The following MAP4K3 variants were observed in gnomAD, a reference collection of about 807,000 sequenced individuals.
MAP4K3 encodes mitogen-activated protein kinase kinase kinase kinase 3, also known as MAPK/ERK kinase kinase kinase 3.
Under a neutral mutation model 143.5 loss-of-function variants are expected in MAP4K3, and 94 were observed. That is an observed-to-expected ratio of 0.65 (90% CI 0.55 to 0.78). The LOEUF (loss-of-function observed/expected upper bound fraction) is 0.78, where lower values mean the gene tolerates loss of function less well. MAP4K3 is among the 30% of genes least tolerant of loss of function. The pLI is 0.00. For missense variants in MAP4K3, 1,077 were observed against 1,068.1 expected, an observed-to-expected ratio of 1.01 and a Z score of -0.12; for synonymous variants, 416 against 347.2, an observed-to-expected ratio of 1.20 and a Z score of -2.20.
At chr2:39,430,723 T>A (rs1665258645) in intron 1 of MAP4K3, among the ~76,000 whole-genome samples, 1 of 152,214 alleles carries the variant, frequency 6.6e-6, no homozygotes, top group Non-Finnish European at 1.5e-5. Context: ...CGGAGTATCT[T>A]CATATGCATA....
intron 1 of MAP4K3, among the ~76,000 whole-genome samples, chr2:39,393,773 A>G (rs1666731792): frequency 6.6e-6 from 1 of 152,056 alleles, no homozygotes; most frequent in Non-Finnish European, 1.5e-5. Context: ...CAAAATCCAC[A>G]CTTGCTCAAG....
chr2:39,383,459 A>G (rs1208134159), intron 1 of MAP4K3, among the ~76,000 whole-genome samples: 1 of 152,146 alleles, frequency 6.6e-6, no homozygotes, highest in Non-Finnish European at 1.5e-5. Context: ...GATTATGAGA[A>G]CTACAATTAA....
chr2:39,422,409 T>C (rs931640710), intron 1 of MAP4K3, among the ~76,000 whole-genome samples: 3 of 152,092 alleles, frequency 2.0e-5, no homozygotes, highest in Non-Finnish European at 2.9e-5. Context: ...GGAAAGACCA[T>C]GTATAGACAC....
intron 15 of MAP4K3, among the ~76,000 whole-genome samples, chr2:39,303,608 G>A (rs1486488432): frequency 6.6e-6 from 1 of 151,998 alleles, no homozygotes; most frequent in African/African-American, 2.4e-5. Flanking sequence ...GCACGATCTC[G>A]GCTCCCTGCA....
chr2:39,429,044 G>A (rs756837290), intron 1 of MAP4K3, among the ~76,000 whole-genome samples: 145 of 110,518 alleles, frequency 1.3e-3, no homozygotes, highest in Admixed American at 3.5e-3. Flanking sequence ...CAGCCTGGGC[G>A]ACAGAGCGAG....
At chr2:39,365,430 A>AATTTTTTT (rs201894555) in intron 2 of MAP4K3, among the ~76,000 whole-genome samples, 5 of 87,926 alleles carry the variant, frequency 5.7e-5, no homozygotes, top group African/African-American at 1.8e-4. Context: ...CGCCATAGTA[A>AATTTTTTT]TTTTTTTTTT....
rs191795062 is a variant in MAP4K3 at position 39,279,821 on chromosome 2, C to T, written c.1714+451G>A. On this transcript the variant is annotated intron_variant, in intron 23 of 33. Coordinates refer to ENST00000263881, the MANE Select transcript of MAP4K3 (RefSeq NM_003618.4). ...AAACAAAAACAGCTAGGAATGGTGG[C>T]ATGTGCCTCCAGTCCTAGCTACTCG... 2.6e-5 allele frequency among the ~76,000 whole-genome samples: 4 copies of T among 152,232 alleles called. No individual in the cohort carries two copies. The East Asian group carries it at 7.7e-4, about 29-fold the overall frequency.
At chr2:39,414,534 CT>C (rs2148620828) in intron 1 of MAP4K3, among the ~76,000 whole-genome samples, 1 of 152,260 alleles carries the variant, frequency 6.6e-6, no homozygotes, top group East Asian at 1.9e-4. Context: ...TTGCAGATCT[CT>C]TTCTTCTACT....
intron 1 of MAP4K3, among the ~76,000 whole-genome samples, chr2:39,385,724 G>C (rs1234415338): frequency 6.6e-6 from 1 of 150,958 alleles, no homozygotes; most frequent in South Asian, 2.1e-4. Flanking sequence ...CCGCCTCCCG[G>C]GTTCAAGCGA....
At chr2:39,340,407 A>G (rs1400868294) in intron 4 of MAP4K3, among the ~76,000 whole-genome samples, 3 of 152,230 alleles carry the variant, frequency 2.0e-5, no homozygotes, top group Non-Finnish European at 2.9e-5. Context: ...ATGAATCCCC[A>G]ATATTCATAT....
intron 8 of MAP4K3, among the ~76,000 whole-genome samples, chr2:39,330,693 GA>G (rs1371460163): frequency 1.3e-5 from 2 of 152,102 alleles, no homozygotes. Context: ...AGCACTGACA[GA>G]TAATGTGACA....
At chr2:39,355,932 T>A (rs1261338527) in intron 3 of MAP4K3, among the ~76,000 whole-genome samples, 1 of 152,220 alleles carries the variant, frequency 6.6e-6, no homozygotes, top group African/African-American at 2.4e-5. Flanking sequence ...GACTCTACAC[T>A]GACCTAAGTC....
intron 12 of MAP4K3, among the ~76,000 whole-genome samples, chr2:39,324,624 A>C (rs973932738): frequency 1.2e-4 from 18 of 152,262 alleles, no homozygotes; most frequent in African/African-American, 4.3e-4. Flanking sequence ...GTCTTTCTAA[A>C]CACTTCACCT....
At chr2:39,418,801 A>C (rs1667465729) in intron 1 of MAP4K3, among the ~76,000 whole-genome samples, 1 of 152,234 alleles carries the variant, frequency 6.6e-6, no homozygotes, top group African/African-American at 2.4e-5. Flanking sequence ...TAAAACTATC[A>C]AAGTTATCAA....
chr2:39,354,485 G>C (rs1229360005), intron 3 of MAP4K3, among the ~76,000 whole-genome samples: 1 of 151,472 alleles, frequency 6.6e-6, no homozygotes, highest in African/African-American at 2.4e-5. Flanking sequence ...GTGTGTGGTG[G>C]CGTGTGCCTA....
At chr2:39,307,545 T>C (rs1682753127) in intron 15 of MAP4K3, among the ~76,000 whole-genome samples, 1 of 151,610 alleles carries the variant, frequency 6.6e-6, no homozygotes, top group Non-Finnish European at 1.5e-5. Context: ...GTAATGCATA[T>C]GAATATATGT....
chr2:39,348,204 G>A (rs2148541665), intron 3 of MAP4K3, among the ~76,000 whole-genome samples: 1 of 151,992 alleles, frequency 6.6e-6, no homozygotes, highest in African/African-American at 2.4e-5. Context: ...ATGAATGCAG[G>A]AAATGAGTTC....
chr2:39,435,220 C>A (rs933061388), intron 1 of MAP4K3, among the ~76,000 whole-genome samples: 1 of 47,666 alleles, frequency 2.1e-5, no homozygotes, highest in Non-Finnish European at 1.6e-4. Context: ...GGCCTCCCAA[C>A]TGCTCCATTC....
chr2:39,260,951 C>A lies in MAP4K3; in HGVS notation c.2137-174G>T, dbSNP rs527785851. The A allele has an allele frequency of 4.6e-5, 25 of 538,216 alleles. No homozygotes were observed. In the Admixed American group the frequency reaches 6.5e-4, roughly 14 times the overall value. 33.3% of individuals were successfully genotyped at this position (538,216 alleles called of 1,614,324 possible). A position where few individuals can be genotyped will look rare whatever the true frequency, so the allele number is the denominator to read the frequency against. On this transcript the variant is annotated intron_variant, in intron 28 of 33. Transcript: ENST00000263881. Reference sequence around the variant, plus strand: ...TTTTATAAACATTTTAGGTTTACCACCGCAAAATATTTTAAAGTTATAATT... The same window carrying A: ...TTTTATAAACATTTTAGGTTTACCAACGCAAAATATTTTAAAGTTATAATT...
Sources: gnomAD v4.1 joint callset for allele counts (sites outside exome capture counted in the v4.1 genomes callset) on GRCh38, gnomAD v4.1.1 for gene constraint, MANE v1.5 for transcripts, NCBI Gene and HGNC (gene_info 2026-07-23, HGNC 2026-07-21) for gene names.